The following LMF1 variants were observed in gnomAD, a reference collection of about 807,000 sequenced individuals.
LMF1 encodes the protein transmembrane protein 112.
Under a neutral mutation model 60.6 loss-of-function variants are expected in LMF1, and 68 were observed. That is an observed-to-expected ratio of 1.12 (90% CI 0.92 to 1.37). The LOEUF is 1.37. Among genes scored for constraint, LMF1 ranks in the 40% most tolerant of loss-of-function variants. The pLI, the probability that LMF1 is intolerant of heterozygous loss-of-function variation, is 0.00. For synonymous variants in LMF1, 418 were observed against 324.7 expected (o/e 1.29, Z -3.09); for missense variants, 948 against 767.2 (o/e 1.24, Z -2.78).
chr16:941,521 C>G (rs572765887), intron 2 of LMF1, among the ~76,000 whole-genome samples: 1 of 152,206 alleles, frequency 6.6e-6, no homozygotes. Context: ...CCATGCCTGG[C>G]CTGATTCTAA....
At chr16:922,294 C>T (rs562823741) in intron 3 of LMF1, among the ~76,000 whole-genome samples, 5 of 152,318 alleles carry the variant, frequency 3.3e-5, no homozygotes, top group African/African-American at 7.2e-5. Context: ...GCAGCCACCT[C>T]CCGAGGGGGG....
chr16:953,276 C>T (rs1399246390), intron 2 of LMF1, among the ~76,000 whole-genome samples: 16 of 51,734 alleles, frequency 3.1e-4, no homozygotes, highest in African/African-American at 9.1e-4. Flanking sequence ...GCCTCCTACA[C>T]GTCCACACAG....
intron 1 of LMF1, chr16:979,945 G>A: frequency 2.8e-6 from 1 of 358,268 alleles, no homozygotes; most frequent in East Asian, 7.5e-5. Context: ...GGAGGGCAGG[G>A]CCTCCAGGGG....
At chr16:884,987 G>T (rs1057040810) in intron 5 of LMF1, 13 of 152,382 alleles carry the variant, frequency 8.5e-5, no homozygotes, top group African/African-American at 2.9e-4. Context: ...CTCCGGAAAT[G>T]GTAAGTATAT....
At chr16:889,383 G>C (rs1273252797) in intron 5 of LMF1, among the ~76,000 whole-genome samples, 2 of 147,516 alleles carry the variant, frequency 1.4e-5, no homozygotes, top group African/African-American at 2.7e-5. Flanking sequence ...TGAGGCTGCG[G>C]ATGGCCGTGG....
intron 4 of LMF1, among the ~76,000 whole-genome samples, chr16:895,199 C>A (rs1486844950): frequency 2.6e-5 from 4 of 152,200 alleles, no homozygotes; most frequent in African/African-American, 9.6e-5. Flanking sequence ...AGAGCAGGGG[C>A]CGGAGCTGCT....
At chr16:941,112 A>G (rs2072090147) in intron 2 of LMF1, among the ~76,000 whole-genome samples, 1 of 152,206 alleles carries the variant, frequency 6.6e-6, no homozygotes, top group Admixed American at 6.5e-5. Flanking sequence ...CTAGCTTTCC[A>G]GTATATTTAT....
chr16:919,182 G>C (rs1287587420), intron 3 of LMF1, among the ~76,000 whole-genome samples: 2 of 152,066 alleles, frequency 1.3e-5, no homozygotes, highest in Admixed American at 6.5e-5. Context: ...CCTGACACTC[G>C]GCAGTCGGCG....
In LMF1 at chr16:878,853, T is replaced by G. The variant is rs1230315227; in HGVS notation, c.897+717A>C. On this transcript the variant is annotated intron_variant, in intron 6 of 10. Coordinates refer to ENST00000262301, the MANE Select transcript of LMF1 (RefSeq NM_022773.4). The surrounding 1 kb of genome is among the most constrained non-coding windows in gnomAD (Gnocchi z 5.2). ...GGACCTGTGCATTTTCCTGGCTGTA[T>G]GTTACACCTCCATTGAAACAATCGA... is the stretch of plus-strand genomic sequence containing the variant. 1.3e-5 allele frequency among the ~76,000 whole-genome samples: 2 copies of G among 152,208 alleles called. No individual in the cohort carries two copies. Among genetic ancestry groups the G allele is most frequent in the Non-Finnish European group, 2.9e-5 (2 of 68,036 alleles).
chr16:940,984 T>C (rs1246504326), intron 2 of LMF1, among the ~76,000 whole-genome samples: 1 of 152,224 alleles, frequency 6.6e-6, no homozygotes, highest in Non-Finnish European at 1.5e-5. Context: ...GTTCAGTATG[T>C]GGTGCCTTTA....
In LMF1 at chr16:962,693, G is replaced by C. The variant is rs978107802; in HGVS notation, c.194-8027C>G. On this transcript the variant is annotated intron_variant, in intron 1 of 10. Coordinates refer to ENST00000262301, the MANE Select transcript of LMF1 (RefSeq NM_022773.4). This position sits in a 1 kb window ranked among gnomAD's most constrained non-coding sequence, Gnocchi z 4.5. ...CTGTCAAGGTCGGAATCCTGCACAGGAAAGTCTGGGAGACTCACAGACCAG... is the reference window on the plus strand; with the variant it reads ...CTGTCAAGGTCGGAATCCTGCACAGCAAAGTCTGGGAGACTCACAGACCAG... Among the ~76,000 whole-genome samples, 3 of 152,196 alleles carry C rather than the reference G, an allele frequency of 2.0e-5. No homozygotes were observed. The highest frequency in any genetic ancestry group is 4.4e-5 in the Non-Finnish European group (3 of 68,030).
Position 938,128 on chromosome 16 carries a change from G to C in LMF1, c.504-3874C>G, listed in dbSNP as rs144027985. Among the ~76,000 whole-genome samples the C allele has an allele frequency of 3.6e-3, 549 of 152,364 alleles. 5 individuals are homozygous for C. The highest frequency in any genetic ancestry group is 0.012 in the African/African-American group (486 of 41,584). Reference sequence around the variant, plus strand: ...TACCCGCCTCGCAGGAGAGGGGGTGGAGCACCCACCAGACCACTGTGCCTC... The same window carrying C: ...TACCCGCCTCGCAGGAGAGGGGGTGCAGCACCCACCAGACCACTGTGCCTC... On this transcript the variant is annotated intron_variant, in intron 2 of 10. Transcript: ENST00000262301.
chr16:875,863 G>A (rs977170657), intron 6 of LMF1, among the ~76,000 whole-genome samples: 7 of 152,146 alleles, frequency 4.6e-5, no homozygotes, highest in Admixed American at 6.5e-5. Flanking sequence ...TGACTCCCGG[G>A]AGTCTCCAGC....
intron 6 of LMF1, among the ~76,000 whole-genome samples, chr16:876,274 A>G (rs1277385699): frequency 6.6e-6 from 1 of 152,210 alleles, no homozygotes; most frequent in Non-Finnish European, 1.5e-5. Flanking sequence ...AAGGCTGCAC[A>G]ATGCTTCCCA....
intron 2 of LMF1, chr16:947,576 G>A (rs780598909): frequency 3.1e-5 from 14 of 455,732 alleles, no homozygotes; most frequent in South Asian, 2.2e-4. Flanking sequence ...TCCAAGGGCA[G>A]CTCCCGCCAC....
At position 869,806 on chromosome 16, in the gene LMF1, C is replaced by T. The variant is rs1439583040; in HGVS notation, c.1416+77G>A. 3 of 1,468,264 alleles carry T rather than the reference C, an allele frequency of 2.0e-6. No homozygotes were observed. In the African/African-American group the frequency reaches 4.2e-5, roughly 20 times the overall value. 91.0% of individuals were successfully genotyped at this position (1,468,264 alleles called of 1,614,324 possible). ...CCCACCAGCCCCTTCAGTGGGCGTT[C>T]TAGAAACCTGCCATCTATGGGCAGA... On this transcript the variant is annotated intron_variant, in intron 9 of 10. Transcript: ENST00000262301.
chr16:947,620 G>C (rs1304115146), intron 2 of LMF1: 3 of 455,824 alleles, frequency 6.6e-6, no homozygotes, highest in Middle Eastern at 3.2e-4. Flanking sequence ...CCTGACTTTG[G>C]TCCAAGTTTC....
In LMF1 at chr16:854,317, G is replaced by T. The variant is rs754078166; in HGVS notation, c.*215C>A. The T allele has an allele frequency of 1.4e-6, 1 of 694,706 alleles. No individual in the cohort carries two copies. Among genetic ancestry groups the T allele is most frequent in the East Asian group, 2.7e-5 (1 of 36,838 alleles). The allele number at this position is 694,706 out of a possible 1,614,324, so 43.0% of individuals were successfully genotyped here. On this transcript the variant is annotated 3_prime_UTR_variant, in exon 11 of 11. Transcript: ENST00000262301. ...GCCCCTGGCGCCTGGGACAAGGGTT[G>T]GCCTGGATGTGGGGCCCCAGGTGGG...
intron 10 of LMF1, among the ~76,000 whole-genome samples, chr16:857,907 T>G (rs868717208): frequency 2.9e-5 from 1 of 34,992 alleles, no homozygotes; most frequent in Non-Finnish European, 4.7e-5. Context: ...TGTCTCGGGA[T>G]GGGTGTGCGT....
Sources: allele counts gnomAD v4.1 joint callset (sites outside exome capture counted in the v4.1 genomes callset), GRCh38; gene constraint gnomAD v4.1.1; non-coding constraint Gnocchi (gnomAD v3.1); transcripts MANE v1.5; gene names NCBI Gene and HGNC (gene_info 2026-07-23, HGNC 2026-07-21).